Variants in DACH2 observed in about 807,000 individuals in gnomAD.
The protein encoded by DACH2 is dachshund family transcription factor 2.
DACH2 carries 17 observed loss-of-function variants against 35.8 expected under a neutral mutation model. The observed-to-expected ratio is 0.48, with a 90% CI of 0.33 to 0.71. The LOEUF (loss-of-function observed/expected upper bound fraction) is 0.71, where lower values mean the gene tolerates loss of function less well. DACH2 is among the 30% of genes least tolerant of loss of function. The pLI is 0.02. For synonymous variants in DACH2, 195 were observed against 177.3 expected, an observed-to-expected ratio of 1.10 and a Z score of -0.79; for missense variants, 469 against 472.7, an observed-to-expected ratio of 0.99 and a Z score of 0.07.
At chrX:86,277,765 T>A (rs879133083) in intron 1 of DACH2, among the ~76,000 whole-genome samples, 5 of 111,802 alleles carry the variant, frequency 4.5e-5, no homozygotes, top group Admixed American at 1.9e-4. Context: ...TTGAAGCCAG[T>A]CCTTTTACAA....
chrX:86,627,856 A>G (rs750193329), intron 3 of DACH2, among the ~76,000 whole-genome samples: 2 of 112,577 alleles, frequency 1.8e-5, no homozygotes, highest in South Asian at 3.6e-4. Flanking sequence ...ATGATAAAGA[A>G]TGAAACCATC....
intron 3 of DACH2, among the ~76,000 whole-genome samples, chrX:86,549,341 A>T (rs2039016537): frequency 9.0e-6 from 1 of 111,447 alleles, no homozygotes; most frequent in Admixed American, 9.6e-5. Context: ...GAGACAGCAC[A>T]GTTTAGATCC....
intron 4 of DACH2, among the ~76,000 whole-genome samples, chrX:86,687,225 ATTTG>A (rs2040954823): frequency 9.0e-6 from 1 of 111,020 alleles, no homozygotes; most frequent in South Asian, 3.8e-4. Context: ...GATTTTTTTC[ATTTG>A]TTTGTTTGGT....
chrX:86,187,528 G>A (rs1192276431), intron 1 of DACH2, among the ~76,000 whole-genome samples: 1 of 107,306 alleles, frequency 9.3e-6, no homozygotes, highest in Non-Finnish European at 1.9e-5. Flanking sequence ...AGTGATCCTC[G>A]TGTCTCAGTC....
At chrX:86,605,650 C>G (rs1476339150) in intron 3 of DACH2, among the ~76,000 whole-genome samples, 1 of 110,129 alleles carries the variant, frequency 9.1e-6, no homozygotes, top group Non-Finnish European at 1.9e-5. Flanking sequence ...GCCCTTTTTG[C>G]TCTCTCTTGT....
At chrX:86,152,156 A>G (rs1255553391) in intron 1 of DACH2, among the ~76,000 whole-genome samples, 1 of 111,919 alleles carries the variant, frequency 8.9e-6, no homozygotes, top group African/African-American at 3.2e-5. Flanking sequence ...ATAAATGTTC[A>G]TAATATGTTG....
At chrX:86,518,612 T>C (rs1602601746) in intron 3 of DACH2, among the ~76,000 whole-genome samples, 2 of 111,969 alleles carry the variant, frequency 1.8e-5, no homozygotes, top group South Asian at 7.4e-4. Flanking sequence ...GATTTTCACC[T>C]CCCTGGTTAG....
intron 2 of DACH2, among the ~76,000 whole-genome samples, chrX:86,394,861 T>G: frequency 8.9e-6 from 1 of 111,911 alleles, no homozygotes; most frequent in Non-Finnish European, 1.9e-5. Flanking sequence ...ACAAGAACTT[T>G]GATATGAGAC....
chrX:86,347,637 C>T (rs1050576946), intron 1 of DACH2, among the ~76,000 whole-genome samples: 1 of 112,656 alleles, frequency 8.9e-6, no homozygotes, highest in Non-Finnish European at 1.9e-5. Context: ...TTAGCTTGTT[C>T]GTTTATATAA....
intron 1 of DACH2, among the ~76,000 whole-genome samples, chrX:86,320,221 C>G (rs1363926850): frequency 2.7e-5 from 3 of 111,866 alleles, no homozygotes; most frequent in Non-Finnish European, 5.6e-5. Flanking sequence ...AGAAAAAAAC[C>G]TTTTCCAGGA....
intron 6 of DACH2, among the ~76,000 whole-genome samples, chrX:86,733,251 C>A (rs753483407): frequency 1.8e-5 from 2 of 111,123 alleles, no homozygotes; most frequent in Non-Finnish European, 3.8e-5. Context: ...GCAGTGTTTC[C>A]AACATAAACT....
In DACH2 at chrX:86,455,949, C is replaced by G. The variant is rs781138938; in HGVS notation, c.528-58330C>G. Among the ~76,000 whole-genome samples the G allele has an allele frequency of 2.7e-4, 30 of 112,098 alleles. No individual in the cohort carries two copies. In the South Asian group the frequency reaches 0.011, roughly 42 times the overall value. ...TGAGACTCCACACAGCTTTTTGTGT[C>G]AGACCCAAGGCTCTGATGGCATAGG... On this transcript the variant is annotated intron_variant, in intron 2 of 11. Transcript: ENST00000373125.
rs1454665945 is a variant in DACH2 at position 86,793,466 on chromosome X, T to C, written c.1241-19390T>C. Among the ~76,000 whole-genome samples, 20 of 111,433 alleles carry C rather than the reference T, an allele frequency of 1.8e-4. No homozygotes were observed. The Admixed American group carries it at 1.9e-3, about 11-fold the overall frequency. On this transcript the variant is annotated intron_variant, in intron 7 of 11. Coordinates refer to ENST00000373125, the MANE Select transcript of DACH2 (RefSeq NM_053281.3). ...AAAGGAAGGATGTGGGAAGTGCCAT[T>C]TTACTCTATCTTGAAGGGTAGGGAG...
intron 1 of DACH2, among the ~76,000 whole-genome samples, chrX:86,326,822 A>G (rs1057291212): frequency 8.9e-6 from 1 of 111,898 alleles, no homozygotes; most frequent in Non-Finnish European, 1.9e-5. Context: ...TTTACATTCT[A>G]GGTAATAAAG....
At chrX:86,746,446 CTAA>C (rs1375214181) in intron 7 of DACH2, among the ~76,000 whole-genome samples, 1 of 111,542 alleles carries the variant, frequency 9.0e-6, no homozygotes, top group Non-Finnish European at 1.9e-5. Context: ...TATAGCTAGA[CTAA>C]TGTTTGCGAT....
chrX:86,523,197 A>C (rs2038583207), intron 3 of DACH2, among the ~76,000 whole-genome samples: 1 of 111,919 alleles, frequency 8.9e-6, no homozygotes, highest in Non-Finnish European at 1.9e-5. Flanking sequence ...ATTCAGCAAT[A>C]GTACCTACAG....
chrX:86,702,972 A>T (rs903359553), intron 5 of DACH2, among the ~76,000 whole-genome samples: 1 of 111,375 alleles, frequency 9.0e-6, no homozygotes, highest in Non-Finnish European at 1.9e-5. Flanking sequence ...CCAAAAAAAG[A>T]TAACTACAGA....
At chrX:86,284,938 A>G (rs2147989065) in intron 1 of DACH2, among the ~76,000 whole-genome samples, 1 of 111,585 alleles carries the variant, frequency 9.0e-6, no homozygotes, top group Non-Finnish European at 1.9e-5. Context: ...GTAGTTGATC[A>G]CAGTAGCCAC....
intron 7 of DACH2, among the ~76,000 whole-genome samples, chrX:86,767,274 C>A (rs1444987660): frequency 9.0e-6 from 1 of 111,680 alleles, no homozygotes; most frequent in Non-Finnish European, 1.9e-5. Context: ...TGGCTAGAAC[C>A]TCTGAAGCAG....
Sources: gnomAD v4.1 joint callset for allele counts (sites outside exome capture counted in the v4.1 genomes callset) on GRCh38, gnomAD v4.1.1 for gene constraint, MANE v1.5 for transcripts, NCBI Gene and HGNC (gene_info 2026-07-23, HGNC 2026-07-21) for gene names.